Variants in SPG7 observed in about 807,000 individuals in gnomAD.
The protein encoded by SPG7 is mitochondrial inner membrane m-AAA protease component paraplegin.
A neutral mutation model predicts 81.9 loss-of-function variants in SPG7; 103 were observed. The observed-to-expected ratio is 1.26, with a 90% CI of 1.07 to 1.48. The LOEUF is 1.48. Among genes scored for constraint, SPG7 ranks in the 40% most tolerant of loss-of-function variants. SPG7 has a pLI of 0.00. For missense variants in SPG7, 1,241 were observed against 1,087.3 expected (o/e 1.14, Z -1.99); for synonymous variants, 534 against 444.2 (o/e 1.20, Z -2.54).
rs2057958133 is a variant in SPG7, at chr16:89,508,425, T to C, written c.8T>C (p.Val3Ala). Residue 3 changes from valine to alanine, a missense_variant, in exon 1 of 17, where the codon GTG becomes GCG. Physicochemically the swap from Val to Ala is moderately conservative, Grantham distance 64. Coordinates refer to ENST00000645818, the MANE Select transcript of SPG7 (RefSeq NM_003119.4). ...CGCGGCTTTCAGGCCAACATGGCCG[T>C]GCTGCTGCTGCTGCTCCGTGCCCTC... is the stretch of plus-strand genomic sequence containing the variant. MA[V>A]LLLLLRALRR... The C allele has an allele frequency of 2.0e-6, 3 of 1,480,140 alleles. No homozygotes were observed. The highest frequency in any genetic ancestry group is 2.7e-6 in the Non-Finnish European group (3 of 1,120,810). 91.7% of individuals were successfully genotyped at this position (1,480,140 alleles called of 1,614,324 possible).
At chr16:89,554,261 G>A (rs2058665687) in intron 15 of SPG7, among the ~76,000 whole-genome samples, 1 of 151,692 alleles carries the variant, frequency 6.6e-6, no homozygotes, top group African/African-American at 2.4e-5. Context: ...GGGCCGATGT[G>A]TGCCTGTGAG....
At chr16:89,515,386 A>G (rs924194171) in intron 3 of SPG7, among the ~76,000 whole-genome samples, 50 of 151,580 alleles carry the variant, frequency 3.3e-4, no homozygotes, top group Non-Finnish European at 5.9e-4. Context: ...CTCCTGCCTC[A>G]GCCTCCTGAG....
chr16:89,547,382 ACGGG>A (rs1388161144), intron 11 of SPG7: 1 of 176,764 alleles, frequency 5.7e-6, no homozygotes, highest in Non-Finnish European at 1.2e-5. Context: ...GGGAGGAGAG[ACGGG>A]CGTCAGGGCG....
intron 3 of SPG7, chr16:89,514,357 G>C (rs1440667192): frequency 2.0e-5 from 2 of 101,468 alleles, no homozygotes; most frequent in Non-Finnish European, 3.5e-5. Context: ...ATCTCACTCT[G>C]TTGCCCCGGC....
At chr16:89,532,124 C>A in intron 8 of SPG7, 58 bp downstream of exon 8, 2 of 1,539,670 alleles carry the variant, frequency 1.3e-6, no homozygotes, top group Non-Finnish European at 1.8e-6. Flanking sequence ...GCTCCTTTCA[C>A]ACATCCTTCC....
chr16:89,510,709 G>A, intron 2 of SPG7, 117 bp downstream of exon 2: 1 of 719,190 alleles, frequency 1.4e-6, no homozygotes, highest in South Asian at 1.5e-5. Context: ...GCACGGGCTG[G>A]AGTGCAGTAC....
chr16:89,529,649 C>T (rs575607455), intron 6 of SPG7, 70 bp downstream of exon 6: 2 of 1,165,918 alleles, frequency 1.7e-6, no homozygotes, highest in South Asian at 1.3e-5. Flanking sequence ...TTCCCATAAG[C>T]TATACGATGA....
At chr16:89,538,007 C>T (rs2152406516) in intron 9 of SPG7, 1 of 154,086 alleles carries the variant, frequency 6.5e-6, no homozygotes, top group East Asian at 1.9e-4. Flanking sequence ...CCTGTACTTC[C>T]CTGGGGGTTG....
At chr16:89,529,692 C>T in intron 6 of SPG7, 113 bp downstream of exon 6, 1 of 815,354 alleles carries the variant, frequency 1.2e-6, no homozygotes, top group East Asian at 2.7e-5. Flanking sequence ...AGAGAGTAGC[C>T]TGAAGCCACA....
chr16:89,509,508 C>G (rs979861791), intron 1 of SPG7, among the ~76,000 whole-genome samples: 2 of 152,208 alleles, frequency 1.3e-5, no homozygotes, highest in African/African-American at 4.8e-5. Context: ...CTCGGCCTCC[C>G]AAAGTGCTGG....
At chr16:89,526,208 T>C in intron 4 of SPG7, 121 bp from the exon 5 acceptor site, 3 of 1,126,578 alleles carry the variant, frequency 2.7e-6, no homozygotes, top group Non-Finnish European at 4.1e-6. Flanking sequence ...TTCTGAATGG[T>C]GTCCTCTTCA....
At chr16:89,508,649 G>C in intron 1 of SPG7, 49 bp downstream of exon 1, 2 of 1,429,190 alleles carry the variant, frequency 1.4e-6, no homozygotes, top group Non-Finnish European at 1.8e-6. Flanking sequence ...GCTCTGCTCT[G>C]TAAGGCCCAG....
intron 2 of SPG7, among the ~76,000 whole-genome samples, chr16:89,511,291 C>T (rs1456307160): frequency 6.6e-6 from 1 of 152,134 alleles, no homozygotes; most frequent in Non-Finnish European, 1.5e-5. Context: ...ACTAAAAATA[C>T]CCTGCAAATA....
At chr16:89,546,808 G>C in intron 11 of SPG7, 48 bp downstream of exon 11, 2 of 1,313,182 alleles carry the variant, frequency 1.5e-6, no homozygotes, top group South Asian at 1.2e-5. Flanking sequence ...CTGAGGGCAG[G>C]TGGTGTCACC....
At chr16:89,510,238 G>C (rs2057996884) in intron 1 of SPG7, among the ~76,000 whole-genome samples, 1 of 152,066 alleles carries the variant, frequency 6.6e-6, no homozygotes, top group Non-Finnish European at 1.5e-5. Flanking sequence ...GCCTCCCAAA[G>C]TGTTGGGATT....
In SPG7 at chr16:89,548,851, T is replaced by G. The variant is rs541806501; in HGVS notation, c.1663+738T>G. 181 of 437,710 alleles carry G rather than the reference T, an allele frequency of 4.1e-4. 2 individuals are homozygous for G. The highest frequency in any genetic ancestry group is 3.4e-3 in the African/African-American group (168 of 49,878). The allele number at this position is 437,710 out of a possible 1,614,324, so 27.1% of individuals were successfully genotyped here. A position where few individuals can be genotyped will look rare whatever the true frequency, so the allele number is the denominator to read the frequency against. On this transcript the variant is annotated intron_variant, in intron 12 of 16. Coordinates refer to ENST00000645818, the MANE Select transcript of SPG7 (RefSeq NM_003119.4). ...GTCAGTGTGAGACAGGTTGAACGTT[T>G]GAAAAGGGAAGTGGTTCTTGCCCCA...
At chr16:89,521,307 A>T (rs566308719) in intron 3 of SPG7, 1 of 152,276 alleles carries the variant, frequency 6.6e-6, no homozygotes, top group East Asian at 1.9e-4. Context: ...CTGCTCCCTG[A>T]CACAGCGGGG....
At chr16:89,548,194 G>A (rs1182631040) in intron 12 of SPG7, 81 bp downstream of exon 12, 1 of 945,122 alleles carries the variant, frequency 1.1e-6, no homozygotes, top group Non-Finnish European at 1.7e-6. Flanking sequence ...ATTGAGAGGT[G>A]AGGTGGATGG....
intron 5 of SPG7, among the ~76,000 whole-genome samples, chr16:89,527,815 G>A (rs2058284217): frequency 6.6e-6 from 1 of 152,146 alleles, no homozygotes. Context: ...TGTACCTCTA[G>A]CCGGGTGCAG....
Sources: gnomAD v4.1 joint callset for allele counts (sites outside exome capture counted in the v4.1 genomes callset) on GRCh38, gnomAD v4.1.1 for gene constraint, MANE v1.5 for transcripts, NCBI Gene and HGNC (gene_info 2026-07-23, HGNC 2026-07-21) for gene names.